The following SLC7A1 variants were observed in gnomAD, a reference collection of about 807,000 sequenced individuals.
SLC7A1 encodes solute carrier family 7 member 1, also known as high affinity cationic amino acid transporter 1.
In SLC7A1, 10 loss-of-function variants were observed where a neutral mutation model predicts 53.9. That is an observed-to-expected ratio of 0.19 (90% CI 0.11 to 0.31). The LOEUF is 0.31. SLC7A1 is among the 10% of genes least tolerant of loss of function. The pLI is 1.00. For synonymous variants in SLC7A1, 342 were observed against 338.7 expected, an observed-to-expected ratio of 1.01 and a Z score of -0.11; for missense variants, 525 against 827.2, an observed-to-expected ratio of 0.63 and a Z score of 4.48.
rs553153173 is a variant in SLC7A1 at position 29,592,684 on chromosome 13, A to G, written c.-115+2732T>C. On this transcript the variant is annotated intron_variant, in intron 1 of 12. Coordinates refer to ENST00000380752, the MANE Select transcript of SLC7A1 (RefSeq NM_003045.5). Reference sequence around the variant, plus strand: ...TGGCAAAACAGAAAGGGAGGCCACTAAAGTTTATCACAAGGCAGATAATCT... The same window carrying G: ...TGGCAAAACAGAAAGGGAGGCCACTGAAGTTTATCACAAGGCAGATAATCT... Among the ~76,000 whole-genome samples the G allele has an allele frequency of 6.6e-5, 10 of 152,232 alleles. No homozygotes were observed. The South Asian group carries it at 1.9e-3, about 28-fold the overall frequency.
chr13:29,539,824 G>A (rs74042330), intron 2 of SLC7A1, among the ~76,000 whole-genome samples: 2,835 of 152,246 alleles, frequency 0.019, 95 homozygotes, highest in African/African-American at 0.065. Flanking sequence ...GGAAGACACT[G>A]GAACAAAGAT....
At chr13:29,538,297 A>C (rs1869514231) in intron 2 of SLC7A1, among the ~76,000 whole-genome samples, 1 of 152,058 alleles carries the variant, frequency 6.6e-6, no homozygotes, top group Non-Finnish European at 1.5e-5. Context: ...GTGGGGAGGA[A>C]ATGAGGAGGG....
intron 1 of SLC7A1, among the ~76,000 whole-genome samples, chr13:29,591,359 G>GT (rs1872101796): frequency 6.6e-6 from 1 of 152,166 alleles, no homozygotes; most frequent in African/African-American, 2.4e-5. Context: ...CACTGACCCC[G>GT]TAAGTGGAAC....
chr13:29,580,670 G>A (rs917092473), intron 1 of SLC7A1, among the ~76,000 whole-genome samples: 10 of 152,182 alleles, frequency 6.6e-5, no homozygotes, highest in African/African-American at 2.4e-4. Flanking sequence ...ACTATTCCTG[G>A]GCCCAACTGC....
intron 2 of SLC7A1, among the ~76,000 whole-genome samples, chr13:29,548,310 T>C (rs1007481027): frequency 6.6e-6 from 1 of 152,242 alleles, no homozygotes; most frequent in Non-Finnish European, 1.5e-5. Context: ...GAGCTATACA[T>C]TGGAAGGAAC....
rs902356922 is a variant in SLC7A1, at chr13:29,530,588, C to T, written c.654G>A (p.Gln218=). ...GFVKGSVKNW[Q]LTEEDFGNTS... Reference sequence around the variant, plus strand: ...TGTTCCCAAAATCCTCCTCCGTGAGCTGCCAGTTTTTAACCGATCCTTTCA... The same window carrying T: ...TGTTCCCAAAATCCTCCTCCGTGAGTTGCCAGTTTTTAACCGATCCTTTCA... Residue 218 remains glutamine, a synonymous_variant, in exon 5 of 13, where the codon CAG becomes CAA. Transcript: ENST00000380752. 5.0e-6 allele frequency: 8 copies of T among 1,614,076 alleles called. No homozygotes were observed. Among genetic ancestry groups the T allele is most frequent in the Non-Finnish European group, 6.8e-6 (8 of 1,180,048 alleles).
intron 1 of SLC7A1, among the ~76,000 whole-genome samples, chr13:29,573,583 C>G (rs773393294): frequency 1.2e-4 from 19 of 152,204 alleles, no homozygotes; most frequent in Non-Finnish European, 2.6e-4. Context: ...GACAATGTGA[C>G]TGGATGGTAA....
Position 29,514,458 on chromosome 13 carries a change from C to G in SLC7A1, c.*22G>C. 6.3e-7 allele frequency: 1 copy of G among 1,591,126 alleles called. No individual in the cohort carries two copies. Among genetic ancestry groups the G allele is most frequent in the Non-Finnish European group, 8.6e-7 (1 of 1,168,026 alleles). On this transcript the variant is annotated 3_prime_UTR_variant, in exon 13 of 13. Coordinates refer to ENST00000380752, the MANE Select transcript of SLC7A1 (RefSeq NM_003045.5). ...GGGCGTCCCTCGGGGCTGCTGCCAC[C>G]TCCGGGGGGCGGGGCTGTGCGTCAC...
chr13:29,514,748 C>T (rs1883505182), intron 12 of SLC7A1, among the ~76,000 whole-genome samples, 165 bp from the exon 13 acceptor site: 1 of 152,314 alleles, frequency 6.6e-6, no homozygotes, highest in East Asian at 1.9e-4. Context: ...ACATCTGGAG[C>T]AGCTGCCACA....
chr13:29,570,504 A>G (rs1871146382), intron 1 of SLC7A1, among the ~76,000 whole-genome samples: 2 of 152,170 alleles, frequency 1.3e-5, no homozygotes. Flanking sequence ...TGTGAGGCTC[A>G]AGAGACAGTG....
chr13:29,517,683 C>T lies in SLC7A1; in HGVS notation c.1400G>A (p.Gly467Asp). The change falls in exon 10 of 13, where the codon GGC becomes GAC. Residue 467 changes from glycine to aspartate, a missense_variant. Coordinates refer to ENST00000380752, the MANE Select transcript of SLC7A1 (RefSeq NM_003045.5). ...GAACATCTCTGCCTCTGGTAAAAAG[C>T]CCAGCTGGGAATCATTGGTGCTTGC... Reference protein sequence around the residue: ...ELASTNDSQLGFLPEAEMFSL... With the variant: ...ELASTNDSQLDFLPEAEMFSL... 1 of 1,614,112 alleles carries T rather than the reference C, an allele frequency of 6.2e-7. No homozygotes were observed. The highest frequency in any genetic ancestry group is 8.5e-7 in the Non-Finnish European group (1 of 1,180,008).
chr13:29,573,082 T>C (rs1439251981), intron 1 of SLC7A1, among the ~76,000 whole-genome samples: 1 of 152,172 alleles, frequency 6.6e-6, no homozygotes, highest in East Asian at 1.9e-4. Flanking sequence ...AAAATGTAAA[T>C]GGTTTATTTG....
At chr13:29,589,631 T>A (rs542643314) in intron 1 of SLC7A1, among the ~76,000 whole-genome samples, 5 of 152,270 alleles carry the variant, frequency 3.3e-5, no homozygotes, top group Middle Eastern at 3.4e-3. Flanking sequence ...CAGGGTGCCC[T>A]CCAGCGTTGG....
intron 2 of SLC7A1, among the ~76,000 whole-genome samples, chr13:29,543,636 G>A (rs1869769040): frequency 6.6e-6 from 1 of 152,050 alleles, no homozygotes; most frequent in Non-Finnish European, 1.5e-5. Flanking sequence ...AGGGATCAGA[G>A]GTTCCCCAGG....
chr13:29,567,772 G>C lies in SLC7A1; in HGVS notation c.-114-13912C>G, dbSNP rs1871031891. On this transcript the variant is annotated intron_variant, in intron 1 of 12. Transcript: ENST00000380752. ...GCTCGGGAGAGCAGCACAGGCTCAG[G>C]CTCAAGGAGACTGACAGCCAGTAAT... is the stretch of plus-strand genomic sequence containing the variant. Among the ~76,000 whole-genome samples the C allele has an allele frequency of 3.3e-5, 5 of 152,262 alleles. No individual in the cohort carries two copies. The South Asian group carries it at 1.0e-3, about 32-fold the overall frequency.
chr13:29,555,678 C>T (rs904118107), intron 1 of SLC7A1, among the ~76,000 whole-genome samples: 6 of 150,050 alleles, frequency 4.0e-5, no homozygotes, highest in South Asian at 2.1e-4. Context: ...AAAGGGGGGG[C>T]GGGCAGAATC....
chr13:29,515,394 C>G, intron 12 of SLC7A1, among the ~76,000 whole-genome samples: 1 of 152,222 alleles, frequency 6.6e-6, no homozygotes, highest in East Asian at 1.9e-4. Context: ...GAGGACCCAC[C>G]CGGCTGCCAG....
intron 5 of SLC7A1, among the ~76,000 whole-genome samples, chr13:29,526,764 C>A (rs750019843): frequency 6.6e-6 from 1 of 152,136 alleles, no homozygotes; most frequent in Non-Finnish European, 1.5e-5. Context: ...GAAGCAAGGG[C>A]GATGGGTGAG....
intron 1 of SLC7A1, among the ~76,000 whole-genome samples, chr13:29,567,287 G>A (rs994948945): frequency 6.6e-6 from 1 of 152,138 alleles, no homozygotes; most frequent in Admixed American, 6.5e-5. Context: ...CAGGGTGTGG[G>A]GGAAGGGAAG....
Sources: gnomAD v4.1 joint callset for allele counts (sites outside exome capture counted in the v4.1 genomes callset) on GRCh38, gnomAD v4.1.1 for gene constraint, MANE v1.5 for transcripts, NCBI Gene and HGNC (gene_info 2026-07-23, HGNC 2026-07-21) for gene names.